The following NUBPL variants were observed in gnomAD, a reference collection of about 807,000 sequenced individuals.
The protein encoded by NUBPL is NUBP iron-sulfur cluster assembly factor, mitochondrial.
NUBPL carries 31 observed loss-of-function variants against 45.7 expected under a neutral mutation model. The observed-to-expected ratio is 0.68, with a 90% CI of 0.51 to 0.92. The LOEUF (loss-of-function observed/expected upper bound fraction) is 0.92. Ranked by LOEUF, NUBPL falls within the 40% of genes least tolerant of loss-of-function variation. NUBPL has a pLI of 0.00. For missense variants in NUBPL, 401 were observed against 398.7 expected (o/e 1.01, Z -0.05); for synonymous variants, 144 against 140.9 (o/e 1.02, Z -0.15).
At chr14:31,807,227 C>T (rs1039259752) in intron 7 of NUBPL, among the ~76,000 whole-genome samples, 38 of 152,232 alleles carry the variant, frequency 2.5e-4, no homozygotes, top group African/African-American at 8.2e-4. Flanking sequence ...AACTAGTTTA[C>T]ATTCCCACCA....
At chr14:31,791,947 C>G (rs527953575) in intron 7 of NUBPL, among the ~76,000 whole-genome samples, 1 of 152,256 alleles carries the variant, frequency 6.6e-6, no homozygotes, top group East Asian at 1.9e-4. Flanking sequence ...GGATGACAGT[C>G]TTCCATATAT....
intron 8 of NUBPL, among the ~76,000 whole-genome samples, chr14:31,832,671 A>C (rs567925799): frequency 8.6e-4 from 131 of 152,300 alleles, no homozygotes; most frequent in African/African-American, 3.0e-3. Context: ...TTCAAATTAA[A>C]TTGCTTTCCA....
chr14:31,700,949 A>G (rs2037322928), intron 6 of NUBPL, among the ~76,000 whole-genome samples: 1 of 152,102 alleles, frequency 6.6e-6, no homozygotes, highest in African/African-American at 2.4e-5. Flanking sequence ...GCGGCGCGGG[A>G]CTGGCGGGCA....
chr14:31,589,124 A>G (rs533144152), intron 3 of NUBPL, among the ~76,000 whole-genome samples: 10 of 152,258 alleles, frequency 6.6e-5, no homozygotes, highest in Admixed American at 4.6e-4. Flanking sequence ...AAAAAAAGTC[A>G]TATTGTAATA....
chr14:31,699,509 A>C (rs745930362), intron 6 of NUBPL, among the ~76,000 whole-genome samples: 1 of 152,206 alleles, frequency 6.6e-6, no homozygotes, highest in Non-Finnish European at 1.5e-5. Flanking sequence ...TAACTTGGGC[A>C]GGGTCCTACT....
chr14:31,736,902 AT>A (rs2038177545), intron 6 of NUBPL, among the ~76,000 whole-genome samples: 1 of 152,122 alleles, frequency 6.6e-6, no homozygotes, highest in South Asian at 2.1e-4. Flanking sequence ...GTGTTTTGGT[AT>A]CTCTTTGTGT....
At chr14:31,827,234 A>G (rs1400722457) in intron 8 of NUBPL, among the ~76,000 whole-genome samples, 3 of 152,152 alleles carry the variant, frequency 2.0e-5, no homozygotes, top group Non-Finnish European at 4.4e-5. Context: ...AAGTCAGTAA[A>G]CAAATTGCCT....
At chr14:31,855,313 A>ACAGTTT (rs2040599547) in intron 10 of NUBPL, among the ~76,000 whole-genome samples, 1 of 152,170 alleles carries the variant, frequency 6.6e-6, no homozygotes, top group Non-Finnish European at 1.5e-5. Context: ...AACAAAAACT[A>ACAGTTT]TTGTTTCTGT....
intron 8 of NUBPL, among the ~76,000 whole-genome samples, chr14:31,841,917 C>CTTCTTTTT (rs2040375005): frequency 2.3e-5 from 1 of 43,036 alleles, no homozygotes; most frequent in African/African-American, 9.3e-5. Context: ...CGATTCTGGG[C>CTTCTTTTT]TTTTTTTTTT....
At chr14:31,622,986 C>T (rs1007950502) in intron 4 of NUBPL, among the ~76,000 whole-genome samples, 4 of 152,246 alleles carry the variant, frequency 2.6e-5, no homozygotes, top group Non-Finnish European at 5.9e-5. Flanking sequence ...GCCGTAGTCA[C>T]TCAATGTCAG....
At chr14:31,627,480 T>C (rs2035234272) in intron 4 of NUBPL, among the ~76,000 whole-genome samples, 1 of 151,976 alleles carries the variant, frequency 6.6e-6, no homozygotes, top group African/African-American at 2.4e-5. Context: ...GAGTCTTTCA[T>C]GATGTTAAAA....
chr14:31,855,182 C>G (rs1249470697), intron 10 of NUBPL, among the ~76,000 whole-genome samples: 1 of 152,180 alleles, frequency 6.6e-6, no homozygotes, highest in Admixed American at 6.5e-5. Flanking sequence ...AAATATTAGG[C>G]ATAAGTACCT....
chr14:31,626,365 C>T (rs892728382), intron 4 of NUBPL, among the ~76,000 whole-genome samples: 1 of 152,106 alleles, frequency 6.6e-6, no homozygotes, highest in Non-Finnish European at 1.5e-5. Context: ...GTCTCGAACT[C>T]CTGACCTCAG....
At chr14:31,693,707 A>T (rs1040036993) in intron 6 of NUBPL, among the ~76,000 whole-genome samples, 2 of 151,620 alleles carry the variant, frequency 1.3e-5, no homozygotes, top group African/African-American at 2.4e-5. Context: ...CTCATATTTT[A>T]AAAATGCTTT....
chr14:31,659,558 A>G (rs981478583), intron 4 of NUBPL, among the ~76,000 whole-genome samples: 4 of 152,140 alleles, frequency 2.6e-5, no homozygotes, highest in African/African-American at 9.7e-5. Flanking sequence ...CCTTCCTTTT[A>G]CTACATCCTG....
At chr14:31,680,920 A>G (rs564607859) in intron 6 of NUBPL, among the ~76,000 whole-genome samples, 19 of 152,214 alleles carry the variant, frequency 1.2e-4, no homozygotes, top group Admixed American at 8.5e-4. Context: ...TGGTGGGCCA[A>G]CTGTACTTTT....
chr14:31,593,125 A>G (rs558369065), intron 3 of NUBPL, among the ~76,000 whole-genome samples: 1 of 152,340 alleles, frequency 6.6e-6, no homozygotes, highest in South Asian at 2.1e-4. Flanking sequence ...TAAAATTTAT[A>G]TTATATTTGG....
chr14:31,830,220 C>T (rs1187065617), intron 8 of NUBPL, among the ~76,000 whole-genome samples: 1 of 152,112 alleles, frequency 6.6e-6, no homozygotes, highest in Admixed American at 6.5e-5. Flanking sequence ...ATTTATTTTT[C>T]CACAAATCTA....
chr14:31,790,559 A>T (rs1323955933), intron 7 of NUBPL, among the ~76,000 whole-genome samples: 3 of 152,218 alleles, frequency 2.0e-5, no homozygotes, highest in Non-Finnish European at 4.4e-5. Context: ...GCTATTAAAC[A>T]GTAACTCTCT....
Sources: allele counts gnomAD v4.1 joint callset (sites outside exome capture counted in the v4.1 genomes callset), GRCh38; gene constraint gnomAD v4.1.1; transcripts MANE v1.5; gene names NCBI Gene and HGNC (gene_info 2026-07-23, HGNC 2026-07-21).